Variants in NAALAD2 observed in about 807,000 individuals in gnomAD.
NAALAD2 encodes the protein N-acetylated alpha-linked acidic dipeptidase 2, also known as N-acetylated-alpha-linked acidic dipeptidase 2.
Under a neutral mutation model 95.6 loss-of-function variants are expected in NAALAD2, and 89 were observed. The ratio of observed to expected loss-of-function variants is 0.93; its 90% CI spans 0.78 to 1.11. The LOEUF is 1.11. NAALAD2 is among the 50% of genes least tolerant of loss of function. The pLI, the probability that NAALAD2 is intolerant of heterozygous loss-of-function variation, is 0.00. For synonymous variants in NAALAD2, 264 were observed against 294.4 expected, an observed-to-expected ratio of 0.90 and a Z score of 1.06; for missense variants, 894 against 872.4, an observed-to-expected ratio of 1.02 and a Z score of -0.31.
Position 90,152,360 on chromosome 11 carries a change from C to G in NAALAD2, c.672C>G (p.Tyr224Ter). The change falls in exon 6 of 19, where the codon TAC (tyrosine) becomes TAG (stop). Residue 224 changes from tyrosine to a stop codon, truncating the protein, a stop_gained. Transcript: ENST00000534061. LOFTEE classifies it high-confidence loss of function. ...TCTTGTACTCAGATCCAGCTGACTA[C>G]TTTGCTCCTGAGGTACAGCCATATC... ...GIILYSDPAD[Y>*]FAPEVQPYPK... is the part of the protein sequence containing the mutation. 1 of 1,613,720 alleles carries G rather than the reference C, an allele frequency of 6.2e-7. No individual in the cohort carries two copies. Among genetic ancestry groups the G allele is most frequent in the Non-Finnish European group, 8.5e-7 (1 of 1,179,726 alleles).
intron 18 of NAALAD2, among the ~76,000 whole-genome samples, chr11:90,186,298 G>A (rs1015109703): frequency 6.6e-6 from 1 of 151,916 alleles, no homozygotes; most frequent in East Asian, 1.9e-4. Context: ...TGTTCTTGGC[G>A]ATAGTTTACT....
At chr11:90,156,609 T>C (rs1590983372) in intron 6 of NAALAD2, among the ~76,000 whole-genome samples, 2 of 152,180 alleles carry the variant, frequency 1.3e-5, no homozygotes, top group African/African-American at 4.8e-5. Flanking sequence ...GATTCCACTC[T>C]GTCACCCTGT....
chr11:90,137,954 A>T (rs6483032), intron 2 of NAALAD2, among the ~76,000 whole-genome samples: 67,842 of 151,276 alleles, frequency 0.45, 16,157 homozygotes, highest in African/African-American at 0.61. Context: ...TCCTATGGAG[A>T]TTTTAGAGTT....
intron 6 of NAALAD2, 65 bp from the exon 7 acceptor site, chr11:90,158,080 A>C (rs1194343204): frequency 2.5e-6 from 3 of 1,220,688 alleles, no homozygotes; most frequent in Admixed American, 2.0e-5. Flanking sequence ...TTATGCAAAA[A>C]ATCCCTGTAT....
At position 90,192,011 on chromosome 11, in the gene NAALAD2, C is replaced by G. The variant is rs11018905; in HGVS notation, c.*264C>G. 0.17 allele frequency: 37,569 copies of G among 217,934 alleles called. 3,668 individuals carry two copies. Among genetic ancestry groups the G allele is most frequent in the East Asian group, 0.27 (2,921 of 10,820 alleles). 13.5% of individuals were successfully genotyped at this position (217,934 alleles called of 1,614,324 possible). A position where few individuals can be genotyped will look rare whatever the true frequency, so the allele number is the denominator to read the frequency against. ...AAATTCCCTAAATTATAGCAAGGAA[C>G]ATGAATTCTCAGACATTGTGAGTGT... On this transcript the variant is annotated 3_prime_UTR_variant, in exon 19 of 19. Transcript: ENST00000534061.
rs1046384122 is a variant in NAALAD2, at chr11:90,138,860, T to C, written c.194+3190T>C. Reference sequence around the variant, plus strand: ...CACACAGTTTTCTTTAGCAGGAATTTGTTGTGTTGGGCTTGATGGCTTTCA... The same window carrying C: ...CACACAGTTTTCTTTAGCAGGAATTCGTTGTGTTGGGCTTGATGGCTTTCA... On this transcript the variant is annotated intron_variant, in intron 2 of 18. Transcript: ENST00000534061. 5.9e-5 allele frequency among the ~76,000 whole-genome samples: 9 copies of C among 151,708 alleles called. No individual in the cohort carries two copies. In the South Asian group the frequency reaches 6.3e-4, roughly 11 times the overall value.
chr11:90,186,103 T>C (rs1857133735), intron 18 of NAALAD2, among the ~76,000 whole-genome samples: 1 of 152,086 alleles, frequency 6.6e-6, no homozygotes, highest in Non-Finnish European at 1.5e-5. Flanking sequence ...TGTATACATG[T>C]GCCATGCTGG....
chr11:90,184,130 AGAT>A (rs1857051009), intron 18 of NAALAD2, among the ~76,000 whole-genome samples: 2 of 152,302 alleles, frequency 1.3e-5, no homozygotes, highest in South Asian at 2.1e-4. Flanking sequence ...ATCCGAATTA[AGAT>A]GATGATAATT....
intron 13 of NAALAD2, among the ~76,000 whole-genome samples, chr11:90,170,860 T>C (rs904775560): frequency 2.6e-5 from 4 of 152,124 alleles, no homozygotes; most frequent in African/African-American, 9.7e-5. Flanking sequence ...TGAAGGTAGC[T>C]CAGCATGGCC....
In NAALAD2 at chr11:90,152,397, A is replaced by T. The variant is rs760541192; in HGVS notation, c.709A>T (p.Asn237Tyr). 6.2e-7 allele frequency: 1 copy of T among 1,613,922 alleles called. No individual in the cohort carries two copies. Among genetic ancestry groups the T allele is most frequent in the South Asian group, 1.1e-5 (1 of 91,042 alleles). Reference protein sequence around the residue: ...PEVQPYPKGWNLPGTAAQRGN... With the variant: ...PEVQPYPKGWYLPGTAAQRGN... Reference sequence around the variant, plus strand: ...GGTACAGCCATATCCCAAAGGATGGAATCTTCCTGGAACTGCAGCCCAGAG... The same window carrying T: ...GGTACAGCCATATCCCAAAGGATGGTATCTTCCTGGAACTGCAGCCCAGAG... The change falls in exon 6 of 19, where the codon AAT (asparagine) becomes TAT (tyrosine). Residue 237 changes from asparagine to tyrosine, a missense_variant. Transcript: ENST00000534061.
At chr11:90,132,215 C>T (rs1951362315), upstream of NAALAD2, 1 of 152,578 alleles carries the variant, frequency 6.6e-6, no homozygotes, top group Admixed American at 6.6e-5. Flanking sequence ...TAACATTGCT[C>T]ATTCTTGGAA....
upstream of NAALAD2, among the ~76,000 whole-genome samples, chr11:90,134,095 G>GATTA (rs1196536901): frequency 6.6e-6 from 1 of 152,142 alleles, no homozygotes; most frequent in Non-Finnish European, 1.5e-5. Flanking sequence ...TCCTTTCAGT[G>GATTA]ATTACTTTTA....
rs923548933 is a variant in NAALAD2 at position 90,179,849 on chromosome 11, G to A, written c.1858+1732G>A. 2.6e-5 allele frequency among the ~76,000 whole-genome samples: 4 copies of A among 152,144 alleles called. No homozygotes were observed. The East Asian group carries it at 7.7e-4, about 29-fold the overall frequency. On this transcript the variant is annotated intron_variant, in intron 16 of 18. Transcript: ENST00000534061. ...ACCTACTTACCTTCTTAGAGGCCTG[G>A]TTTGATCTGTTAATTCCTTTCCCTG... is the stretch of plus-strand genomic sequence containing the variant.
At chr11:90,177,593 T>G (rs866147632) in intron 15 of NAALAD2, among the ~76,000 whole-genome samples, 2 of 44,610 alleles carry the variant, frequency 4.5e-5, no homozygotes, top group East Asian at 8.2e-4. Context: ...CTTGTTTTTT[T>G]TTTTTTTTTT....
chr11:90,177,604 T>G (rs1374307484), intron 15 of NAALAD2, among the ~76,000 whole-genome samples: 5 of 86,774 alleles, frequency 5.8e-5, no homozygotes, highest in Admixed American at 1.2e-4. Context: ...TTTTTTTTTT[T>G]TTTTTTTTTT....
chr11:90,167,247 C>T (rs1054842972), intron 11 of NAALAD2, among the ~76,000 whole-genome samples: 2 of 152,178 alleles, frequency 1.3e-5, no homozygotes, highest in East Asian at 1.9e-4. Context: ...GCGAGAGTTC[C>T]GGGTGGGCGT....
chr11:90,134,645 G>A, upstream of NAALAD2: 1 of 989,772 alleles, frequency 1.0e-6, no homozygotes, highest in Non-Finnish European at 1.6e-6. Flanking sequence ...GCCTTGCGAA[G>A]GTCAGCGGAG....
At chr11:90,187,596 C>T (rs1857192404) in intron 18 of NAALAD2, among the ~76,000 whole-genome samples, 1 of 152,090 alleles carries the variant, frequency 6.6e-6, no homozygotes, top group Admixed American at 6.6e-5. Flanking sequence ...CAGAATTTCT[C>T]ATTTGTCTTA....
chr11:90,147,628 C>G, intron 3 of NAALAD2, 112 bp downstream of exon 3: 1 of 952,372 alleles, frequency 1.1e-6, no homozygotes, highest in Non-Finnish European at 1.6e-6. Context: ...TATTCAGTAT[C>G]CACTATGTGT....
Sources: gnomAD v4.1 joint callset for allele counts (sites outside exome capture counted in the v4.1 genomes callset) on GRCh38, gnomAD v4.1.1 for gene constraint, MANE v1.5 for transcripts, NCBI Gene and HGNC (gene_info 2026-07-23, HGNC 2026-07-21) for gene names.